The following ANGPTL6 variants were observed in gnomAD, a reference collection of about 807,000 sequenced individuals.
The protein encoded by ANGPTL6 is angiopoietin like 6.
A neutral mutation model predicts 47.4 loss-of-function variants in ANGPTL6; 45 were observed. That is an observed-to-expected ratio of 0.95 (90% CI 0.75 to 1.22). ANGPTL6 has a LOEUF of 1.22. ANGPTL6 is among the 50% of genes most tolerant of loss of function. The probability of loss-of-function intolerance (pLI) is 0.00; values close to 1 mark genes in which losing one functional copy is unlikely to be tolerated. For missense variants in ANGPTL6, 698 were observed against 669.4 expected (o/e 1.04, Z -0.47); for synonymous variants, 290 against 295.9 (o/e 0.98, Z 0.20).
intron 2 of ANGPTL6, 125 bp from the exon 3 acceptor site, chr19:10,095,063 G>T: frequency 1.9e-6 from 2 of 1,026,112 alleles, no homozygotes; most frequent in Non-Finnish European, 1.4e-6. Flanking sequence ...GGCAGTGGGG[G>T]TGTCCCAGCC....
At chr19:10,102,357 G>A (rs1013329427) in intron 1 of ANGPTL6, among the ~76,000 whole-genome samples, 6 of 151,434 alleles carry the variant, frequency 4.0e-5, no homozygotes, top group Non-Finnish European at 7.4e-5. Flanking sequence ...CCGGGGGTAG[G>A]GTCCTCTCTT....
rs751565560 is a variant in ANGPTL6 at position 10,096,549 on chromosome 19, C to T, written c.15G>A (p.Trp5Ter). 9.5e-5 allele frequency: 143 copies of T among 1,510,214 alleles called. 2 individuals are homozygous for T. The highest frequency in any genetic ancestry group is 1.2e-5 in the South Asian group (1 of 82,648). 93.6% of individuals were successfully genotyped at this position (1,510,214 alleles called of 1,614,324 possible). MGKP[W>*]LRALQLLLLL... Reference sequence around the variant, plus strand: ...GGAGCAGCAGCTGTAGCGCACGCAGCCAGGGCTTCCCCATCGCGGCGGACC... The same window carrying T: ...GGAGCAGCAGCTGTAGCGCACGCAGTCAGGGCTTCCCCATCGCGGCGGACC... The change falls in exon 2 of 6, where the codon TGG (tryptophan) becomes TGA (stop). Residue 5 changes from tryptophan to a stop codon, truncating the protein, a stop_gained. Transcript: ENST00000253109. LOFTEE classifies it high-confidence loss of function.
chr19:10,103,277 TGCACGCAC>T (rs971363023), upstream of ANGPTL6, among the ~76,000 whole-genome samples: 7 of 151,708 alleles, frequency 4.6e-5, no homozygotes, highest in African/African-American at 1.7e-4. Flanking sequence ...CACACACATT[TGCACGCAC>T]GCACACATTA....
chr19:10,093,905 G>A, intron 3 of ANGPTL6, 25 bp from the exon 4 acceptor site: 3 of 1,602,302 alleles, frequency 1.9e-6, no homozygotes, highest in Non-Finnish European at 2.5e-6. Flanking sequence ...ATAGGGGGGA[G>A]GCACAGCCTG....
At position 10,102,622 on chromosome 19, in the gene ANGPTL6, CAAGG is replaced by C; in HGVS notation, c.-69_-66del. ...AAGCTCACAGAACACACAAGAAGTC[CAAGG>C]AAGAGCCGAGGGTCCAGTGGGGCCT... On this transcript the variant is annotated 5_prime_UTR_variant, in exon 1 of 6. Transcript: ENST00000253109. 1.0e-6 allele frequency: 1 copy of C among 984,574 alleles called. No individual in the cohort carries two copies. Among genetic ancestry groups the C allele is most frequent in the Non-Finnish European group, 1.2e-6 (1 of 829,418 alleles). The allele number at this position is 984,574 out of a possible 1,614,324, so 61.0% of individuals were successfully genotyped here.
intron 3 of ANGPTL6, 88 bp from the exon 4 acceptor site, chr19:10,093,968 AC>A: frequency 1.4e-6 from 2 of 1,404,684 alleles, no homozygotes; most frequent in Non-Finnish European, 2.0e-6. Flanking sequence ...AGGTCCTCTC[AC>A]CAGAATAAGA....
intron 2 of ANGPTL6, 75 bp from the exon 3 acceptor site, chr19:10,095,013 G>A: frequency 7.1e-7 from 1 of 1,404,742 alleles, no homozygotes; most frequent in Non-Finnish European, 9.5e-7. Flanking sequence ...GGGCAGAAAT[G>A]GTGGATAAAT....
upstream of ANGPTL6, among the ~76,000 whole-genome samples, chr19:10,103,483 G>A (rs1302680884): frequency 1.3e-5 from 2 of 151,310 alleles, no homozygotes; most frequent in East Asian, 1.9e-4. Context: ...CCAGCTACGC[G>A]GGAGGCTGAG....
chr19:10,106,096 G>T (rs76874150), upstream of ANGPTL6: 3,099 of 543,814 alleles, frequency 5.7e-3, 83 homozygotes, highest in South Asian at 0.043. Flanking sequence ...AGGAGCCTCG[G>T]AATGCAGAAA....
At chr19:10,104,346 GTA>G (rs1491017124), upstream of ANGPTL6, among the ~76,000 whole-genome samples, 323 of 151,080 alleles carry the variant, frequency 2.1e-3, 1 homozygote, top group African/African-American at 7.4e-3. Context: ...GTGTGTGTGT[GTA>G]GTTTTATGGT....
chr19:10,105,235 A>G (rs1423018734), upstream of ANGPTL6, among the ~76,000 whole-genome samples: 1 of 152,180 alleles, frequency 6.6e-6, no homozygotes, highest in African/African-American at 2.4e-5. Flanking sequence ...GGGCCCCCAC[A>G]CTGGGCCCCT....
At chr19:10,100,979 T>A (rs2088663136) in intron 1 of ANGPTL6, among the ~76,000 whole-genome samples, 1 of 149,582 alleles carries the variant, frequency 6.7e-6, no homozygotes, top group Non-Finnish European at 1.5e-5. Context: ...GAGGCTGAGG[T>A]GGGAGGATCA....
At chr19:10,105,248 GC>G (rs1057205407), upstream of ANGPTL6, among the ~76,000 whole-genome samples, 2 of 152,246 alleles carry the variant, frequency 1.3e-5, no homozygotes, top group African/African-American at 4.8e-5. Flanking sequence ...GGGCCCCTCG[GC>G]CCCCCACCCT....
upstream of ANGPTL6, among the ~76,000 whole-genome samples, chr19:10,105,581 G>C (rs2088798980): frequency 6.6e-6 from 1 of 150,560 alleles, no homozygotes; most frequent in African/African-American, 2.4e-5. Flanking sequence ...CAGAGACAAA[G>C]TTACAAGAGG....
Position 10,093,344 on chromosome 19 carries a change from C to T in ANGPTL6, c.1222+5G>A, listed in dbSNP as rs1319475909. On this transcript the variant is annotated splice_donor_5th_base_variant and intron_variant, in intron 5 of 5. Coordinates refer to ENST00000253109, the MANE Select transcript of ANGPTL6 (RefSeq NM_031917.3). ...TCCTCTCACCAGAATAGGAGTTCTCCTTACCAGAATAGGAGTCTCGGTCCC... is the reference window on the plus strand; with the variant it reads ...TCCTCTCACCAGAATAGGAGTTCTCTTTACCAGAATAGGAGTCTCGGTCCC... 1.2e-6 allele frequency: 2 copies of T among 1,610,064 alleles called. No homozygotes were observed. Among genetic ancestry groups the T allele is most frequent in the Admixed American group, 1.7e-5 (1 of 59,858 alleles).
In ANGPTL6 at chr19:10,096,239, G is replaced by A. The variant is rs1301858652; in HGVS notation, c.325C>T (p.Gln109Ter). ...TCGTGCTGCAGCTGCGCGCGCAACT[G>A]GCCCAGGCGCGCGCTCAGGCCGCGG... The part of the protein sequence containing the change: ...ESRGLSARLG[Q>*]LRAQLQHEAG... Residue 109 changes from glutamine to a stop codon, truncating the protein, a stop_gained, in exon 2 of 6, where the codon CAG (glutamine) becomes TAG (stop). Transcript: ENST00000253109. LOFTEE classifies it high-confidence loss of function. The A allele has an allele frequency of 8.5e-7, 1 of 1,183,202 alleles. No individual in the cohort carries two copies. Among genetic ancestry groups the A allele is most frequent in the Non-Finnish European group, 1.0e-6 (1 of 957,682 alleles). The allele number at this position is 1,183,202 out of a possible 1,614,324, so 73.3% of individuals were successfully genotyped here. A position where few individuals can be genotyped will look rare whatever the true frequency, so the allele number is the denominator to read the frequency against.
chr19:10,092,460 G>T lies in ANGPTL6; in HGVS notation c.*129C>A. ...CTGGGTCCCATTTTCAGCGCCCAGG[G>T]TCACAGATCCACAGTGGGAAGTTCT... is the stretch of plus-strand genomic sequence containing the variant. On this transcript the variant is annotated 3_prime_UTR_variant, in exon 6 of 6. Coordinates refer to ENST00000253109, the MANE Select transcript of ANGPTL6 (RefSeq NM_031917.3). 6.6e-7 allele frequency: 1 copy of T among 1,519,568 alleles called. No homozygotes were observed. The highest frequency in any genetic ancestry group is 8.9e-7 in the Non-Finnish European group (1 of 1,127,334). The allele number at this position is 1,519,568 out of a possible 1,614,324, so 94.1% of individuals were successfully genotyped here.
Position 10,093,898 on chromosome 19 carries a change from G to C in ANGPTL6, c.764-18C>G, listed in dbSNP as rs112377209. ...CCACGGGCCTGTGGGCACAGGGATA[G>C]GGGGGAGGCACAGCCTGGGCTGACC... On this transcript the variant is annotated intron_variant, in intron 3 of 5. Transcript: ENST00000253109. The C allele has an allele frequency of 4.4e-6, 7 of 1,604,088 alleles. No homozygotes were observed. The highest frequency in any genetic ancestry group is 5.9e-6 in the Non-Finnish European group (7 of 1,179,418).
chr19:10,096,071 G>T lies in ANGPTL6; in HGVS notation c.493C>A (p.Arg165Ser), dbSNP rs1271967962. 6.1e-6 allele frequency: 9 copies of T among 1,485,408 alleles called. No individual in the cohort carries two copies. The Admixed American group carries it at 1.3e-4, about 22-fold the overall frequency. The allele number at this position is 1,485,408 out of a possible 1,614,324, so 92.0% of individuals were successfully genotyped here. ...ARFHQLDVKF[R>S]ELAQLVTQQS... is the part of the protein sequence containing the mutation. ...TGGGTGACGAGCTGCGCCAGCTCGC[G>T]GAACTTGACGTCCAGCTGGTGGAAC... Residue 165 changes from arginine (R) to serine (S), a missense_variant, in exon 2 of 6, where the codon CGC becomes AGC. By Grantham distance (110) the Arg-to-Ser change is moderately radical (BLOSUM62 -1). Coordinates refer to ENST00000253109, the MANE Select transcript of ANGPTL6 (RefSeq NM_031917.3).
Sources: allele counts gnomAD v4.1 joint callset (sites outside exome capture counted in the v4.1 genomes callset), GRCh38; gene constraint gnomAD v4.1.1; transcripts MANE v1.5; gene names NCBI Gene and HGNC (gene_info 2026-07-23, HGNC 2026-07-21).